The following RSPO2 variants were observed in gnomAD, a reference collection of about 807,000 sequenced individuals.
The protein encoded by RSPO2 is R-spondin-2.
Under a neutral mutation model 30.9 loss-of-function variants are expected in RSPO2, and 14 were observed. The ratio of observed to expected loss-of-function variants is 0.45; its 90% CI spans 0.30 to 0.71. The LOEUF is 0.71. RSPO2 is among the 30% of genes least tolerant of loss of function. The pLI is 0.08. For missense variants in RSPO2, 264 were observed against 301.9 expected, an observed-to-expected ratio of 0.87 and a Z score of 0.93; for synonymous variants, 107 against 96.4, an observed-to-expected ratio of 1.11 and a Z score of -0.64.
At chr8:108,020,902 A>G (rs1006520894) in intron 2 of RSPO2, among the ~76,000 whole-genome samples, 3 of 152,214 alleles carry the variant, frequency 2.0e-5, no homozygotes, top group Admixed American at 2.0e-4. Context: ...AGACAGTAAG[A>G]TATCACCTCC....
intron 2 of RSPO2, among the ~76,000 whole-genome samples, chr8:108,038,204 A>G (rs903327582): frequency 3.9e-5 from 6 of 152,198 alleles, no homozygotes; most frequent in African/African-American, 4.8e-5. Flanking sequence ...GCCCTCATGT[A>G]TAACTTCAGG....
chr8:107,992,530 C>A (rs144351798), intron 2 of RSPO2, among the ~76,000 whole-genome samples: 1 of 152,138 alleles, frequency 6.6e-6, no homozygotes, highest in African/African-American at 2.4e-5. Context: ...ATGTAACAAA[C>A]CTGCACTTGT....
intron 5 of RSPO2, among the ~76,000 whole-genome samples, chr8:107,911,640 T>G (rs1017056049): frequency 6.6e-6 from 1 of 152,190 alleles, no homozygotes; most frequent in East Asian, 1.9e-4. Context: ...GCCCTACTTG[T>G]ATTATTTCTA....
chr8:107,982,140 G>A (rs1336136144), intron 3 of RSPO2, among the ~76,000 whole-genome samples: 1 of 151,196 alleles, frequency 6.6e-6, no homozygotes, highest in Non-Finnish European at 1.5e-5. Flanking sequence ...AAATGTAGCA[G>A]AAATAGTTAA....
chr8:108,054,486 C>T (rs1366854714), intron 2 of RSPO2, among the ~76,000 whole-genome samples: 1 of 152,100 alleles, frequency 6.6e-6, no homozygotes, highest in Non-Finnish European at 1.5e-5. Context: ...CACTTCCACC[C>T]ACATTCCATG....
intron 5 of RSPO2, among the ~76,000 whole-genome samples, chr8:107,910,477 G>C (rs1811787560): frequency 6.6e-6 from 1 of 152,290 alleles, no homozygotes; most frequent in Middle Eastern, 3.4e-3. Context: ...AGGCTGCAGT[G>C]AGCTATGATC....
At chr8:107,940,737 A>G (rs1178960758) in intron 5 of RSPO2, among the ~76,000 whole-genome samples, 1 of 152,202 alleles carries the variant, frequency 6.6e-6, no homozygotes, top group Non-Finnish European at 1.5e-5. Flanking sequence ...TCCAAGCACA[A>G]TTTTGAAAGA....
chr8:108,036,515 G>A (rs1024181412), intron 2 of RSPO2, among the ~76,000 whole-genome samples: 13 of 152,202 alleles, frequency 8.5e-5, no homozygotes, highest in Non-Finnish European at 8.8e-5. Context: ...AGACCTGTGT[G>A]ATGCCTGTGG....
intron 2 of RSPO2, among the ~76,000 whole-genome samples, chr8:108,079,390 T>C (rs1813114967): frequency 6.6e-6 from 1 of 152,162 alleles, no homozygotes; most frequent in Non-Finnish European, 1.5e-5. Context: ...GGTAGTCTTA[T>C]TGTTCGTGAT....
At chr8:107,939,237 G>A (rs971407893) in intron 5 of RSPO2, among the ~76,000 whole-genome samples, 2 of 151,740 alleles carry the variant, frequency 1.3e-5, no homozygotes, top group African/African-American at 2.4e-5. Context: ...TCTGCAGAAT[G>A]TTTCAGAAAC....
intron 2 of RSPO2, among the ~76,000 whole-genome samples, chr8:108,070,361 C>T (rs1188836122): frequency 6.9e-6 from 1 of 144,980 alleles, no homozygotes; most frequent in Non-Finnish European, 1.5e-5. Context: ...GGTGCAATCT[C>T]GGCTCACTGC....
intron 2 of RSPO2, among the ~76,000 whole-genome samples, chr8:108,068,226 C>T (rs1001660716): frequency 3.3e-5 from 5 of 152,142 alleles, no homozygotes; most frequent in African/African-American, 1.2e-4. Context: ...TGTAGTTTCA[C>T]ACAACTTTAG....
chr8:107,931,242 C>T (rs1027593082), intron 5 of RSPO2, among the ~76,000 whole-genome samples: 2 of 152,108 alleles, frequency 1.3e-5, no homozygotes, highest in Non-Finnish European at 2.9e-5. Context: ...CTATTTCTTT[C>T]CTAGTAAAAA....
chr8:107,903,442 T>G (rs556110447), intron 5 of RSPO2, among the ~76,000 whole-genome samples: 1 of 152,210 alleles, frequency 6.6e-6, no homozygotes, highest in African/African-American at 2.4e-5. Context: ...AAAGCTCATT[T>G]TAAGATGGTC....
chr8:108,055,912 C>T (rs951615816), intron 2 of RSPO2, among the ~76,000 whole-genome samples: 6 of 152,226 alleles, frequency 3.9e-5, no homozygotes, highest in South Asian at 4.2e-4. Flanking sequence ...ATTTCCATCT[C>T]GTGGTTAAGA....
In RSPO2 at chr8:107,928,984, A is replaced by G. The variant is rs184469147; in HGVS notation, c.617-27794T>C. The stretch of plus-strand genomic sequence containing the variant: ...TTTCTTAGCCTTCCTTAAACCAACC[A>G]TATAAATCAATCTAACTCAGAGCCA... On this transcript the variant is annotated intron_variant, in intron 5 of 5. Transcript: ENST00000276659. Among the ~76,000 whole-genome samples, 130 of 152,320 alleles carry G rather than the reference A, an allele frequency of 8.5e-4. 1 individual carries two copies. Among genetic ancestry groups the G allele is most frequent in the Admixed American group, 8.5e-3 (130 of 15,282 alleles).
intron 3 of RSPO2, among the ~76,000 whole-genome samples, chr8:107,965,790 A>C (rs1340424346): frequency 1.3e-5 from 2 of 152,324 alleles, no homozygotes; most frequent in African/African-American, 4.8e-5. Context: ...GACTGATTGC[A>C]CATGCACTGT....
chr8:108,059,383 G>A lies in RSPO2; in HGVS notation c.94+23162C>T, dbSNP rs201936096. 3.1e-3 allele frequency among the ~76,000 whole-genome samples: 468 copies of A among 151,326 alleles called. 5 individuals carry two copies. Among genetic ancestry groups the A allele is most frequent in the African/African-American group, 0.011 (430 of 40,738 alleles). On this transcript the variant is annotated intron_variant, in intron 2 of 5. Coordinates refer to ENST00000276659, the MANE Select transcript of RSPO2 (RefSeq NM_178565.5). ...GCTGGAGAGGATGTGGAGAAATAGG[G>A]ACAATTTTACACTGTTGGTGGGACT...
chr8:108,042,115 T>C (rs1048642168), intron 2 of RSPO2, among the ~76,000 whole-genome samples: 7 of 152,052 alleles, frequency 4.6e-5, no homozygotes, highest in African/African-American at 9.7e-5. Context: ...AATTGAGAGA[T>C]TGAAGGGTCT....
Sources: gnomAD v4.1 joint callset for allele counts (sites outside exome capture counted in the v4.1 genomes callset) on GRCh38, gnomAD v4.1.1 for gene constraint, MANE v1.5 for transcripts, NCBI Gene and HGNC (gene_info 2026-07-23, HGNC 2026-07-21) for gene names.